The following C5orf24 variants were observed in gnomAD, a reference collection of about 807,000 sequenced individuals.
The protein encoded by C5orf24 is chromosome 5 open reading frame 24.
A neutral mutation model predicts 9.8 loss-of-function variants in C5orf24; 4 were observed. The ratio of observed to expected loss-of-function variants is 0.41; its 90% CI spans 0.20 to 0.93. C5orf24 has a LOEUF of 0.93. C5orf24 is among the 40% of genes least tolerant of loss of function. The probability of loss-of-function intolerance (pLI) is 0.33; values close to 1 mark genes in which losing one functional copy is unlikely to be tolerated. For synonymous variants in C5orf24, 73 were observed against 81.3 expected (o/e 0.90, Z 0.55); for missense variants, 170 against 236.9 (o/e 0.72, Z 1.85).
chr5:134,844,696 C>A (rs934558956), upstream of C5orf24, among the ~76,000 whole-genome samples: 1 of 152,128 alleles, frequency 6.6e-6, no homozygotes, highest in African/African-American at 2.4e-5. Flanking sequence ...GCTTCCCAAC[C>A]AGGGAATTCC....
chr5:134,835,895 CG>C, the C5orf24 span, among the ~76,000 whole-genome samples: 2 of 151,640 alleles, frequency 1.3e-5, no homozygotes, highest in Admixed American at 1.3e-4. Flanking sequence ...AGTGGGGTCT[CG>C]CTATGTTGCC....
intron 1 of C5orf24, among the ~76,000 whole-genome samples, chr5:134,852,623 T>C (rs746243076): frequency 4.6e-5 from 7 of 152,214 alleles, no homozygotes; most frequent in South Asian, 2.1e-4. Context: ...CACACAAATA[T>C]CTCCTAACAA....
At chr5:134,834,233 C>T in the C5orf24 span, among the ~76,000 whole-genome samples, 2 of 152,126 alleles carry the variant, frequency 1.3e-5, no homozygotes, top group African/African-American at 4.8e-5. Context: ...GTTCTTTCTA[C>T]AGAAAAAGCT....
At chr5:134,838,187 A>G in the C5orf24 span, among the ~76,000 whole-genome samples, 271 of 152,328 alleles carry the variant, frequency 1.8e-3, no homozygotes, top group African/African-American at 6.4e-3. Flanking sequence ...TCACATTTAT[A>G]TAATCACTAT....
upstream of C5orf24, among the ~76,000 whole-genome samples, chr5:134,843,343 C>T (rs576072429): frequency 9.9e-5 from 15 of 152,130 alleles, no homozygotes; most frequent in African/African-American, 3.6e-4. Context: ...AACAATATAA[C>T]TTGTATGAGC....
Position 134,857,473 on chromosome 5 carries a change from C to T in C5orf24, c.*2006C>T, listed in dbSNP as rs1021832111. The stretch of plus-strand genomic sequence containing the variant: ...TGTATGTGGGGACTATGTGCACTGG[C>T]GTCTAAGACAGTGACCTCAACAATA... On this transcript the variant is annotated 3_prime_UTR_variant, in exon 2 of 2. Transcript: ENST00000394976. 5.5e-6 allele frequency: 8 copies of T among 1,452,640 alleles called. No homozygotes were observed. Among genetic ancestry groups the T allele is most frequent in the African/African-American group, 4.2e-5 (3 of 70,688 alleles). The allele number at this position is 1,452,640 out of a possible 1,614,324, so 90.0% of individuals were successfully genotyped here.
Position 134,856,760 on chromosome 5 carries a change from A to C in C5orf24, c.*1293A>C. 6 of 999,906 alleles carry C rather than the reference A, an allele frequency of 6.0e-6. No individual in the cohort carries two copies. Among genetic ancestry groups the C allele is most frequent in the Non-Finnish European group, 7.2e-6 (6 of 829,664 alleles). 61.9% of individuals were successfully genotyped at this position (999,906 alleles called of 1,614,324 possible). A position where few individuals can be genotyped will look rare whatever the true frequency, so the allele number is the denominator to read the frequency against. ...AAATTGTCCCATTGCATTAGCACTT[A>C]CTGTGTTTTCAGGTTGATATCTACC... On this transcript the variant is annotated 3_prime_UTR_variant, in exon 2 of 2. Coordinates refer to ENST00000394976, the MANE Select transcript of C5orf24 (RefSeq NM_001135586.1).
chr5:134,847,952 C>T (rs1234837024), intron 1 of C5orf24, among the ~76,000 whole-genome samples: 1 of 152,232 alleles, frequency 6.6e-6, no homozygotes, highest in African/African-American at 2.4e-5. Flanking sequence ...ATCTGCCCAC[C>T]TGGGCTTCCA....
chr5:134,856,906 A>C lies in C5orf24; in HGVS notation c.*1439A>C. The C allele has an allele frequency of 1.0e-6, 1 of 1,001,268 alleles. No individual in the cohort carries two copies. The highest frequency in any genetic ancestry group is 1.2e-6 in the Non-Finnish European group (1 of 830,738). The allele number at this position is 1,001,268 out of a possible 1,614,324, so 62.0% of individuals were successfully genotyped here. A position where few individuals can be genotyped will look rare whatever the true frequency, so the allele number is the denominator to read the frequency against. On this transcript the variant is annotated 3_prime_UTR_variant, in exon 2 of 2. Coordinates refer to ENST00000394976, the MANE Select transcript of C5orf24 (RefSeq NM_001135586.1). ...TCCATCTATGCATGAAACATGTAAA[A>C]AATATGTTGGTTAGTTTAATTAAAA...
At chr5:134,843,495 G>A (rs1444730200), upstream of C5orf24, among the ~76,000 whole-genome samples, 4 of 151,806 alleles carry the variant, frequency 2.6e-5, no homozygotes, top group South Asian at 2.1e-4. Flanking sequence ...GTGCAGTGGC[G>A]TGGCTCACTG....
Position 134,856,460 on chromosome 5 carries a change from G to T in C5orf24, c.*993G>T, listed in dbSNP as rs548235586. The stretch of plus-strand genomic sequence containing the variant: ...GTTCAAGACTAGCCTGGCCAACATG[G>T]TGAAACCCCATCTCTACTAAAAATA... On this transcript the variant is annotated 3_prime_UTR_variant, in exon 2 of 2. Transcript: ENST00000394976. 2 of 368,006 alleles carry T rather than the reference G, an allele frequency of 5.4e-6. No individual in the cohort carries two copies. The highest frequency in any genetic ancestry group is 1.3e-4 in the Admixed American group (2 of 15,462). The allele number at this position is 368,006 out of a possible 1,614,324, so 22.8% of individuals were successfully genotyped here. A position where few individuals can be genotyped will look rare whatever the true frequency, so the allele number is the denominator to read the frequency against.
At chr5:134,850,143 T>C (rs111862885) in intron 1 of C5orf24, among the ~76,000 whole-genome samples, 2 of 152,004 alleles carry the variant, frequency 1.3e-5, no homozygotes, top group Non-Finnish European at 2.9e-5. Flanking sequence ...AATGGAGATA[T>C]GTGGTTTTTT....
chr5:134,845,829 G>C (rs1429268603), upstream of C5orf24: 3 of 152,298 alleles, frequency 2.0e-5, no homozygotes, highest in Non-Finnish European at 2.9e-5. Context: ...TCAGGCTTAA[G>C]GCCACGACGC....
rs1346195918 is a variant in C5orf24, at chr5:134,858,612, A to G, written c.*3145A>G. ...TGGTCAGAAAATGATCTGCAATTCAAGTAAGTCTGCATTACTTTTTTCTTT... is the reference window on the plus strand; with the variant it reads ...TGGTCAGAAAATGATCTGCAATTCAGGTAAGTCTGCATTACTTTTTTCTTT... On this transcript the variant is annotated 3_prime_UTR_variant, in exon 2 of 2. Coordinates refer to ENST00000394976, the MANE Select transcript of C5orf24 (RefSeq NM_001135586.1). 2 of 167,022 alleles carry G rather than the reference A, an allele frequency of 1.2e-5. No individual in the cohort carries two copies. The highest frequency in any genetic ancestry group is 2.9e-5 in the Non-Finnish European group (2 of 68,096). The allele number at this position is 167,022 out of a possible 1,614,324, so 10.3% of individuals were successfully genotyped here. A position where few individuals can be genotyped will look rare whatever the true frequency, so the allele number is the denominator to read the frequency against.
chr5:134,848,038 C>T (rs1433930809), intron 1 of C5orf24, among the ~76,000 whole-genome samples: 2 of 151,928 alleles, frequency 1.3e-5, no homozygotes, highest in East Asian at 3.9e-4. Flanking sequence ...TGGGACCGGT[C>T]GCGGTGGCTG....
In C5orf24 at chr5:134,855,626, C is replaced by T; in HGVS notation, c.*159C>T. On this transcript the variant is annotated 3_prime_UTR_variant, in exon 2 of 2. Coordinates refer to ENST00000394976, the MANE Select transcript of C5orf24 (RefSeq NM_001135586.1). The stretch of plus-strand genomic sequence containing the variant: ...GCTTTTGCTCAAAAACTGCCATATG[C>T]TGACAGATGCACTCAGGGCATGAGC... The T allele has an allele frequency of 6.8e-7, 1 of 1,476,240 alleles. No individual in the cohort carries two copies. Among genetic ancestry groups the T allele is most frequent in the Non-Finnish European group, 8.9e-7 (1 of 1,119,004 alleles). The allele number at this position is 1,476,240 out of a possible 1,614,324, so 91.4% of individuals were successfully genotyped here. A position where few individuals can be genotyped will look rare whatever the true frequency, so the allele number is the denominator to read the frequency against.
Position 134,856,755 on chromosome 5 carries a change from C to T in C5orf24, c.*1288C>T. ...CTCAGAAATTGTCCCATTGCATTAG[C>T]ACTTACTGTGTTTTCAGGTTGATAT... On this transcript the variant is annotated 3_prime_UTR_variant, in exon 2 of 2. Transcript: ENST00000394976. The T allele has an allele frequency of 1.0e-6, 1 of 999,732 alleles. No homozygotes were observed. The highest frequency in any genetic ancestry group is 4.7e-5 in the South Asian group (1 of 21,272). 61.9% of individuals were successfully genotyped at this position (999,732 alleles called of 1,614,324 possible).
At chr5:134,837,641 C>T in the C5orf24 span, among the ~76,000 whole-genome samples, 1 of 151,628 alleles carries the variant, frequency 6.6e-6, no homozygotes, top group African/African-American at 2.4e-5. Flanking sequence ...AACTCCCTTG[C>T]CCCTTCTGCC....
rs768268739 is a variant in C5orf24 at position 134,855,308 on chromosome 5, C to T, written c.408C>T (p.Val136=). 4 of 1,614,022 alleles carry T rather than the reference C, an allele frequency of 2.5e-6. No homozygotes were observed. The highest frequency in any genetic ancestry group is 1.6e-4 in the Middle Eastern group (1 of 6,084). Residue 136 remains valine (V), a synonymous_variant, in exon 2 of 2, where the codon GTC becomes GTT. Transcript: ENST00000394976. ...LGTTKAAGYK[V]SPGRPPGSIK... is the part of the protein sequence containing the mutation. ...CAACTAAAGCTGCGGGATACAAAGT[C>T]AGCCCAGGCAGACCTCCAGGTAGCA...
Sources: allele counts gnomAD v4.1 joint callset (sites outside exome capture counted in the v4.1 genomes callset), GRCh38; gene constraint gnomAD v4.1.1; transcripts MANE v1.5; gene names NCBI Gene and HGNC (gene_info 2026-07-23, HGNC 2026-07-21).